Variants in TSR1 observed in about 807,000 individuals in gnomAD.
TSR1 encodes TSR1 ribosome maturation factor, also known as pre-rRNA-processing protein TSR1 homolog.
In TSR1, 81 loss-of-function variants were observed where a neutral mutation model predicts 90.9. That is an observed-to-expected ratio of 0.89 (90% CI 0.74 to 1.07). The LOEUF is 1.07. Among genes scored for constraint, TSR1 ranks in the 50% least tolerant of loss-of-function variants. TSR1 has a pLI of 0.00. For synonymous variants in TSR1, 362 were observed against 348.8 expected (o/e 1.04, Z -0.42); for missense variants, 989 against 987.3 (o/e 1.00, Z -0.02).
In TSR1 at chr17:2,325,620, CTTTTTT is replaced by C. The variant is rs1200173992; in HGVS notation, c.1904-206_1904-201del. Among the ~76,000 whole-genome samples, 4 of 147,652 alleles carry C rather than the reference CTTTTTT, an allele frequency of 2.7e-5. No individual in the cohort carries two copies. In the East Asian group the frequency reaches 7.8e-4, roughly 29 times the overall value. On this transcript the variant is annotated intron_variant, in intron 11 of 14. Coordinates refer to ENST00000301364, the MANE Select transcript of TSR1 (RefSeq NM_018128.5). ...GTCCTATCAGTAACTTTTTTTTTTT[CTTTTTT>C]TTTGAGTTTGAGTATCGTTCCTGTC...
chr17:2,335,443 A>C, intron 3 of TSR1, 49 bp from the exon 4 acceptor site: 1 of 1,568,426 alleles, frequency 6.4e-7, no homozygotes, highest in Non-Finnish European at 8.6e-7. Context: ...CCAGCACATT[A>C]TTCTAAAAAA....
rs569720732 is a variant in TSR1 at position 2,335,862 on chromosome 17, G to A, written c.202-132C>T. 32 of 1,268,200 alleles carry A rather than the reference G, an allele frequency of 2.5e-5. No homozygotes were observed. The South Asian group carries it at 4.3e-4, about 17-fold the overall frequency. The allele number at this position is 1,268,200 out of a possible 1,614,324, so 78.6% of individuals were successfully genotyped here. A position where few individuals can be genotyped will look rare whatever the true frequency, so the allele number is the denominator to read the frequency against. On this transcript the variant is annotated intron_variant, in intron 2 of 14. Coordinates refer to ENST00000301364, the MANE Select transcript of TSR1 (RefSeq NM_018128.5). ...CTAGTAAAAGACCACAGGTATGCCA[G>A]CGGGGTGGCAGGAATTCTGACCAAA...
chr17:2,326,542 A>G (rs576290637), intron 11 of TSR1, among the ~76,000 whole-genome samples: 1 of 152,300 alleles, frequency 6.6e-6, no homozygotes, highest in African/African-American at 2.4e-5. Context: ...TCCACACTTT[A>G]TCACACCCTT....
chr17:2,336,257 G>C, intron 1 of TSR1, 74 bp downstream of exon 1: 1 of 1,593,682 alleles, frequency 6.3e-7, no homozygotes, highest in Non-Finnish European at 8.6e-7. Context: ...GGAGACAGAA[G>C]CTCAGTCTGG....
intron 5 of TSR1, 93 bp downstream of exon 5, chr17:2,334,379 A>G: frequency 7.4e-7 from 1 of 1,344,956 alleles, no homozygotes; most frequent in Non-Finnish European, 1.0e-6. Context: ...CAGTCTCCTC[A>G]TTCACCTAAG....
intron 7 of TSR1, 102 bp downstream of exon 7, chr17:2,332,859 A>T (rs930590937): frequency 1.4e-5 from 17 of 1,187,124 alleles, no homozygotes; most frequent in Admixed American, 5.2e-5. Flanking sequence ...TAAAAAAAAT[A>T]AAAAAAAGAA....
chr17:2,335,227 T>C, intron 4 of TSR1, 33 bp downstream of exon 4: 1 of 1,606,728 alleles, frequency 6.2e-7, no homozygotes, highest in Non-Finnish European at 8.5e-7. Context: ...GCCTGACAAA[T>C]TAAAGGTGCA....
chr17:2,330,240 T>G, intron 10 of TSR1: 1 of 568,762 alleles, frequency 1.8e-6, no homozygotes, highest in South Asian at 1.4e-5. Flanking sequence ...TTTTTAAGGC[T>G]GCCAACCCTT....
chr17:2,334,581 A>G lies in TSR1; in HGVS notation c.872T>C (p.Ile291Thr), dbSNP rs552043894. The change falls in exon 5 of 15, where the codon ATC becomes ACC. Residue 291 changes from isoleucine to threonine, a missense_variant. Transcript: ENST00000301364. ...QTLNVNRLLHIVGYGDFQMKQ... is the reference protein window; with the variant it reads ...QTLNVNRLLHTVGYGDFQMKQ... ...CATCTGGAAATCACCATATCCAACGATATGCAGCAACCTATTGACATTCAG... is the reference window on the plus strand; with the variant it reads ...CATCTGGAAATCACCATATCCAACGGTATGCAGCAACCTATTGACATTCAG... The G allele has an allele frequency of 6.2e-7, 1 of 1,614,164 alleles. No individual in the cohort carries two copies. Among genetic ancestry groups the G allele is most frequent in the African/African-American group, 1.3e-5 (1 of 75,040 alleles).
intron 6 of TSR1, 136 bp downstream of exon 6, chr17:2,333,421 C>G: frequency 9.5e-7 from 1 of 1,057,752 alleles, no homozygotes; most frequent in Non-Finnish European, 1.4e-6. Context: ...TGAAAACATA[C>G]AGCATTTGAG....
rs1567783847 is a variant in TSR1 at position 2,331,081 on chromosome 17, A to G, written c.1525T>C (p.Phe509Leu). The G allele has an allele frequency of 2.5e-6, 4 of 1,598,482 alleles. No homozygotes were observed. The highest frequency in any genetic ancestry group is 1.4e-5 in the African/African-American group (1 of 73,882). The change falls in exon 9 of 15, where the codon TTC becomes CTC. Residue 509 changes from phenylalanine (F) to leucine (L), a missense_variant. By Grantham distance (22) the Phe-to-Leu change is conservative (BLOSUM62 0). Transcript: ENST00000301364. Reference sequence around the variant, plus strand: ...TTAGGATCCCATGGAGATGTCCGGAAGCTCTTAAGGCCTCTGTATTTCTGA... The same window carrying G: ...TTAGGATCCCATGGAGATGTCCGGAGGCTCTTAAGGCCTCTGTATTTCTGA... ...RFQKYRGLKS[F>L]RTSPWDPKEN...
chr17:2,323,975 G>A lies in TSR1; in HGVS notation c.*221C>T. On this transcript the variant is annotated 3_prime_UTR_variant, in exon 15 of 15. Transcript: ENST00000301364. ...TTAGTTATCAGATTCTTAATGGAGAGTGGCTATTTCATTAAGATTTAATAG... is the reference window on the plus strand; with the variant it reads ...TTAGTTATCAGATTCTTAATGGAGAATGGCTATTTCATTAAGATTTAATAG... 5 of 1,190,844 alleles carry A rather than the reference G, an allele frequency of 4.2e-6. No individual in the cohort carries two copies. The East Asian group carries it at 7.3e-5, about 17-fold the overall frequency. 73.8% of individuals were successfully genotyped at this position (1,190,844 alleles called of 1,614,324 possible).
chr17:2,334,937 A>G (rs746954740), intron 4 of TSR1, 41 bp from the exon 5 acceptor site: 3 of 1,565,182 alleles, frequency 1.9e-6, no homozygotes, highest in South Asian at 2.3e-5. Flanking sequence ...CTACTGCTTC[A>G]TTACATAAAA....
At chr17:2,334,434 A>G in intron 5 of TSR1, 38 bp downstream of exon 5, 5 of 1,586,094 alleles carry the variant, frequency 3.2e-6, no homozygotes, top group Non-Finnish European at 4.3e-6. Context: ...TCCTGTGCCA[A>G]CTTTCATATG....
rs750385391 is a variant in TSR1 at position 2,334,447 on chromosome 17, C to T, written c.981+25G>A. 1.4e-5 allele frequency: 22 copies of T among 1,594,426 alleles called. No homozygotes were observed. The South Asian group carries it at 2.3e-4, about 16-fold the overall frequency. ...CTTCCTGTGCCAACTTTCATATGAACATGAATTAAGAATATCAGTCTTACC... is the reference window on the plus strand; with the variant it reads ...CTTCCTGTGCCAACTTTCATATGAATATGAATTAAGAATATCAGTCTTACC... On this transcript the variant is annotated intron_variant, in intron 5 of 14. Coordinates refer to ENST00000301364, the MANE Select transcript of TSR1 (RefSeq NM_018128.5).
chr17:2,332,093 A>C, intron 8 of TSR1, 76 bp downstream of exon 8: 1 of 1,529,078 alleles, frequency 6.5e-7, no homozygotes, highest in Non-Finnish European at 8.9e-7. Context: ...TTTGCATCAC[A>C]GTGACACAGC....
intron 2 of TSR1, 71 bp from the exon 3 acceptor site, chr17:2,335,801 C>A: frequency 6.6e-7 from 1 of 1,504,630 alleles, no homozygotes; most frequent in South Asian, 1.2e-5. Flanking sequence ...ATTTCCACTC[C>A]CACAGATGCT....
In TSR1 at chr17:2,333,048, C is replaced by CA. The variant is rs746983742; in HGVS notation, c.1217dup (p.Leu406PhefsTer13). On this transcript the variant is annotated frameshift_variant, in exon 7 of 15. Transcript: ENST00000301364. LOFTEE classifies it high-confidence loss of function. ...CCCCACCACTTTGGCTGCCACCATC[C>CA]AAAATCCATTCAGCTTGGTAACTGG... is the stretch of plus-strand genomic sequence containing the variant. 1.2e-6 allele frequency: 2 copies of CA among 1,614,028 alleles called. No homozygotes were observed. Among genetic ancestry groups the CA allele is most frequent in the East Asian group, 4.5e-5 (2 of 44,892 alleles).
chr17:2,334,133 G>C (rs938893158), intron 5 of TSR1, among the ~76,000 whole-genome samples: 4 of 152,114 alleles, frequency 2.6e-5, no homozygotes, highest in African/African-American at 4.8e-5. Flanking sequence ...AAGCTTGCTA[G>C]TCTACTTTCT....
Sources: gnomAD v4.1 joint callset for allele counts (sites outside exome capture counted in the v4.1 genomes callset) on GRCh38, gnomAD v4.1.1 for gene constraint, MANE v1.5 for transcripts, NCBI Gene and HGNC (gene_info 2026-07-23, HGNC 2026-07-21) for gene names.